Variants in LIN52 observed in about 807,000 individuals in gnomAD.
The protein encoded by LIN52 is protein lin-52 homolog.
A neutral mutation model predicts 18.5 loss-of-function variants in LIN52; 4 were observed. That is an observed-to-expected ratio of 0.22 (90% CI 0.11 to 0.49). LIN52 has a LOEUF of 0.49. Ranked by LOEUF, LIN52 falls within the 20% of genes least tolerant of loss-of-function variation. The pLI, the probability that LIN52 is intolerant of heterozygous loss-of-function variation, is 0.97. For synonymous variants in LIN52, 34 were observed against 45.5 expected (o/e 0.75, Z 1.02); for missense variants, 102 against 139.5 (o/e 0.73, Z 1.35).
chr14:74,107,336 T>A (rs1305182095), intron 5 of LIN52, among the ~76,000 whole-genome samples: 1 of 152,194 alleles, frequency 6.6e-6, no homozygotes, highest in Non-Finnish European at 1.5e-5. Flanking sequence ...GCTTCCTTTA[T>A]TCCTAAGGTT....
At position 74,103,733 on chromosome 14, in the gene LIN52, GTTT is replaced by G. The variant is rs573188668; in HGVS notation, c.283+2529_283+2531del. On this transcript the variant is annotated intron_variant, in intron 5 of 5. Coordinates refer to ENST00000555028, the MANE Select transcript of LIN52 (RefSeq NM_001024674.3). ...AGGTGTGAGCCACCGGGCCTGGCCAGTTTTTTTTTTTTTTTTTTTTTTTTTTTT... is the reference window on the plus strand; with the variant it reads ...AGGTGTGAGCCACCGGGCCTGGCCAGTTTTTTTTTTTTTTTTTTTTTTTTT... Among the ~76,000 whole-genome samples, 348 of 45,948 alleles carry G rather than the reference GTTT, an allele frequency of 7.6e-3. 1 individual carries two copies. The highest frequency in any genetic ancestry group is 0.012 in the Non-Finnish European group (297 of 24,880). The allele number at this position is 45,948 out of a possible 152,430, so 30.1% of individuals were successfully genotyped here.
intron 5 of LIN52, among the ~76,000 whole-genome samples, chr14:74,197,152 C>T (rs1021453209): frequency 6.6e-6 from 1 of 152,152 alleles, no homozygotes; most frequent in Non-Finnish European, 1.5e-5. Flanking sequence ...GGGCCACTAA[C>T]TAGTCATATT....
In LIN52 at chr14:74,097,934, C is replaced by A; in HGVS notation, c.199+74C>A. 6.2e-6 allele frequency: 7 copies of A among 1,120,660 alleles called. No homozygotes were observed. In the South Asian group the frequency reaches 9.7e-5, roughly 16 times the overall value. 69.4% of individuals were successfully genotyped at this position (1,120,660 alleles called of 1,614,324 possible). A position where few individuals can be genotyped will look rare whatever the true frequency, so the allele number is the denominator to read the frequency against. On this transcript the variant is annotated intron_variant, in intron 4 of 5. Coordinates refer to ENST00000555028, the MANE Select transcript of LIN52 (RefSeq NM_001024674.3). ...TAGACCACCTCTCTATTTTTTTTTTCTGTTTCCTTACAAGTATTTTTGGCT... is the reference window on the plus strand; with the variant it reads ...TAGACCACCTCTCTATTTTTTTTTTATGTTTCCTTACAAGTATTTTTGGCT...
intron 5 of LIN52, among the ~76,000 whole-genome samples, chr14:74,112,800 G>A (rs190073878): frequency 3.3e-5 from 5 of 152,240 alleles, no homozygotes; most frequent in African/African-American, 1.2e-4. Context: ...CCCTCTTGTA[G>A]ATTAAAATCT....
At chr14:74,190,537 A>G (rs1419101509) in intron 5 of LIN52, among the ~76,000 whole-genome samples, 2 of 151,772 alleles carry the variant, frequency 1.3e-5, no homozygotes, top group African/African-American at 2.4e-5. Context: ...GATTACAAGC[A>G]TGTGCCACCA....
intron 5 of LIN52, among the ~76,000 whole-genome samples, chr14:74,164,069 C>T: frequency 6.6e-6 from 1 of 151,208 alleles, no homozygotes; most frequent in East Asian, 2.0e-4. Flanking sequence ...GCAAGCTCCG[C>T]CTCCCGGGTT....
At chr14:74,118,446 C>A (rs1027935778) in intron 5 of LIN52, among the ~76,000 whole-genome samples, 7 of 152,142 alleles carry the variant, frequency 4.6e-5, no homozygotes, top group African/African-American at 1.4e-4. Context: ...AAAATTAACA[C>A]TCCCCTGTAA....
intron 5 of LIN52, among the ~76,000 whole-genome samples, chr14:74,158,123 A>ATTTTTTT (rs757112159): frequency 6.8e-6 from 1 of 147,308 alleles, no homozygotes; most frequent in African/African-American, 2.5e-5. Context: ...ATATATATAT[A>ATTTTTTT]TATTTTTTTG....
chr14:74,174,958 T>G (rs1347634695), intron 5 of LIN52, among the ~76,000 whole-genome samples: 1 of 151,174 alleles, frequency 6.6e-6, no homozygotes, highest in Non-Finnish European at 1.5e-5. Context: ...GAGGCTGCAG[T>G]GAGCCATGAT....
intron 5 of LIN52, among the ~76,000 whole-genome samples, chr14:74,146,247 A>T (rs2061152054): frequency 6.6e-6 from 1 of 152,210 alleles, no homozygotes; most frequent in African/African-American, 2.4e-5. Context: ...ACTTGTTAAA[A>T]CGTTCCCACA....
At chr14:74,148,673 A>C (rs1289522187) in intron 5 of LIN52, among the ~76,000 whole-genome samples, 2 of 152,204 alleles carry the variant, frequency 1.3e-5, no homozygotes, top group Non-Finnish European at 2.9e-5. Flanking sequence ...TATTTGATTA[A>C]CCTGCAAAAA....
intron 4 of LIN52, 68 bp downstream of exon 4, chr14:74,097,928 T>C: frequency 8.3e-7 from 1 of 1,204,332 alleles, no homozygotes; most frequent in Non-Finnish European, 1.2e-6. Context: ...TCTCTATTTT[T>C]TTTTTCTGTT....
intron 5 of LIN52, among the ~76,000 whole-genome samples, chr14:74,189,679 G>T (rs1003644225): frequency 3.3e-5 from 5 of 152,172 alleles, no homozygotes; most frequent in Non-Finnish European, 7.3e-5. Flanking sequence ...TCAAATGCCT[G>T]ACAATTAAGA....
chr14:74,095,929 G>A lies in LIN52; in HGVS notation c.95-19G>A. ...CAATCATACTTATTGAATAAATAAAGTTTTGTTTTTCTTTTTAGTACCAGG... is the reference window on the plus strand; with the variant it reads ...CAATCATACTTATTGAATAAATAAAATTTTGTTTTTCTTTTTAGTACCAGG... On this transcript the variant is annotated intron_variant, in intron 2 of 5. Transcript: ENST00000555028. 1 of 1,577,500 alleles carries A rather than the reference G, an allele frequency of 6.3e-7. No individual in the cohort carries two copies. The highest frequency in any genetic ancestry group is 8.7e-7 in the Non-Finnish European group (1 of 1,151,612).
At position 74,199,033 on chromosome 14, in the gene LIN52, C is replaced by A; in HGVS notation, c.*56C>A. The stretch of plus-strand genomic sequence containing the variant: ...CCGAAACCAAGCTCCCTTCCCGGTG[C>A]ACCTCTAACAATGCACACCTCACTG... On this transcript the variant is annotated 3_prime_UTR_variant, in exon 6 of 6. Coordinates refer to ENST00000555028, the MANE Select transcript of LIN52 (RefSeq NM_001024674.3). 1 of 1,232,308 alleles carries A rather than the reference C, an allele frequency of 8.1e-7. No individual in the cohort carries two copies. Among genetic ancestry groups the A allele is most frequent in the Non-Finnish European group, 1.2e-6 (1 of 835,628 alleles). 76.3% of individuals were successfully genotyped at this position (1,232,308 alleles called of 1,614,324 possible).
intron 5 of LIN52, among the ~76,000 whole-genome samples, chr14:74,159,095 A>G (rs531912672): frequency 6.6e-6 from 1 of 152,182 alleles, no homozygotes; most frequent in South Asian, 2.1e-4. Context: ...GGTCTTAACT[A>G]TTATAAACTA....
At chr14:74,133,768 G>T (rs1326201880) in intron 5 of LIN52, among the ~76,000 whole-genome samples, 1 of 152,222 alleles carries the variant, frequency 6.6e-6, no homozygotes, top group Non-Finnish European at 1.5e-5. Flanking sequence ...GATGGTAAAA[G>T]ATGTCCTGCA....
chr14:74,126,836 AT>A (rs1424462558), intron 5 of LIN52, among the ~76,000 whole-genome samples: 6 of 152,254 alleles, frequency 3.9e-5, no homozygotes, highest in Non-Finnish European at 8.8e-5. Context: ...AACATTGTGA[AT>A]GCACTAAATG....
intron 5 of LIN52, among the ~76,000 whole-genome samples, chr14:74,113,671 C>A (rs1035880336): frequency 2.0e-5 from 3 of 152,208 alleles, no homozygotes; most frequent in African/African-American, 7.2e-5. Flanking sequence ...GTGAAATGTT[C>A]TTTAAAAAGT....
Sources: gnomAD v4.1 joint callset for allele counts (sites outside exome capture counted in the v4.1 genomes callset) on GRCh38, gnomAD v4.1.1 for gene constraint, MANE v1.5 for transcripts, NCBI Gene and HGNC (gene_info 2026-07-23, HGNC 2026-07-21) for gene names.